CLEC9A: variants seen among roughly 807,000 people sequenced by gnomAD.
CLEC9A encodes C-type lectin domain containing 9A, also known as C-type lectin domain family 9 member A.
Under a neutral mutation model 30.0 loss-of-function variants are expected in CLEC9A, and 24 were observed. The observed-to-expected ratio is 0.80, with a 90% CI of 0.58 to 1.13. The LOEUF (loss-of-function observed/expected upper bound fraction) is 1.13, where lower values mean the gene tolerates loss of function less well. Among genes scored for constraint, CLEC9A ranks in the 50% most tolerant of loss-of-function variants. The pLI is 0.00. For missense variants in CLEC9A, 251 were observed against 280.9 expected, an observed-to-expected ratio of 0.89 and a Z score of 0.76; for synonymous variants, 111 against 96.8, an observed-to-expected ratio of 1.15 and a Z score of -0.86.
intron 1 of CLEC9A, chr12:10,041,107 A>T (rs987472480): frequency 1.3e-5 from 2 of 157,558 alleles, no homozygotes; most frequent in Non-Finnish European, 2.8e-5. Context: ...TTAGCCAGAC[A>T]GGGTGGTGGG....
intron 8 of CLEC9A, among the ~76,000 whole-genome samples, chr12:10,065,197 G>C (rs981248587): frequency 6.6e-6 from 1 of 152,320 alleles, no homozygotes; most frequent in South Asian, 2.1e-4. Context: ...GGGAGATGGA[G>C]AAGCAGAATC....
chr12:10,041,562 A>G lies in CLEC9A; in HGVS notation c.-221A>G. 2.0e-6 allele frequency: 1 copy of G among 511,814 alleles called. No individual in the cohort carries two copies. Among genetic ancestry groups the G allele is most frequent in the Non-Finnish European group, 3.9e-6 (1 of 253,968 alleles). The allele number at this position is 511,814 out of a possible 1,614,324, so 31.7% of individuals were successfully genotyped here. A position where few individuals can be genotyped will look rare whatever the true frequency, so the allele number is the denominator to read the frequency against. On this transcript the variant is annotated 5_prime_UTR_variant, in exon 2 of 9. An upstream open reading frame in the 5' UTR loses its in-frame stop. Transcript: ENST00000355819. ...CACAACTTGACATGGAAAGAGAGTG[A>G]GCAGTACTGCACTGACATGAAGGCT...
chr12:10,034,439 T>G (rs1865726986), intron 1 of CLEC9A, among the ~76,000 whole-genome samples: 1 of 152,260 alleles, frequency 6.6e-6, no homozygotes, highest in South Asian at 2.1e-4. Context: ...ATCACTTTTC[T>G]TCATTTGTAG....
At chr12:10,033,480 A>AT (rs1443125308) in intron 1 of CLEC9A, among the ~76,000 whole-genome samples, 1 of 152,148 alleles carries the variant, frequency 6.6e-6, no homozygotes, top group Non-Finnish European at 1.5e-5. Flanking sequence ...ATATTTTAGG[A>AT]TTTTTTAACT....
At chr12:10,034,568 A>G (rs1029878953) in intron 1 of CLEC9A, among the ~76,000 whole-genome samples, 26 of 152,292 alleles carry the variant, frequency 1.7e-4, no homozygotes, top group African/African-American at 6.3e-4. Context: ...ATACAAGCTC[A>G]TTGCTTGTAT....
chr12:10,033,933 G>A (rs1865722959), intron 1 of CLEC9A, among the ~76,000 whole-genome samples: 1 of 151,972 alleles, frequency 6.6e-6, no homozygotes, highest in Non-Finnish European at 1.5e-5. Context: ...AAGGCATAAG[G>A]GAAACAAAAA....
At chr12:10,056,224 T>C (rs770957917) in intron 5 of CLEC9A, among the ~76,000 whole-genome samples, 6 of 152,008 alleles carry the variant, frequency 3.9e-5, no homozygotes, top group Non-Finnish European at 7.4e-5. Flanking sequence ...TAAACTGTAT[T>C]AACTGTGACC....
Position 10,047,732 on chromosome 12 carries a change from A to G in CLEC9A, c.-162-4259A>G, listed in dbSNP as rs377495810. 1.4e-4 allele frequency among the ~76,000 whole-genome samples: 22 copies of G among 152,346 alleles called. No individual in the cohort carries two copies. The East Asian group carries it at 1.7e-3, about 12-fold the overall frequency. On this transcript the variant is annotated intron_variant, in intron 2 of 8. Coordinates refer to ENST00000355819, the MANE Select transcript of CLEC9A (RefSeq NM_207345.4). ...CCCTAAACTGTCGCCTATTGAGTAC[A>G]CAATAGCACTATGTCTACAAATGCA... is the stretch of plus-strand genomic sequence containing the variant.
chr12:10,042,208 G>A (rs1865803442), intron 2 of CLEC9A, among the ~76,000 whole-genome samples: 1 of 152,170 alleles, frequency 6.6e-6, no homozygotes, highest in Non-Finnish European at 1.5e-5. Flanking sequence ...TATCTGTCAG[G>A]TTCTGTAGGG....
At chr12:10,043,535 TTATC>T (rs1483738092) in intron 2 of CLEC9A, among the ~76,000 whole-genome samples, 2 of 151,926 alleles carry the variant, frequency 1.3e-5, no homozygotes, top group East Asian at 1.9e-4. Context: ...CTTAAACTCT[TTATC>T]TAAGCCACAA....
chr12:10,032,859 ATTCTAATTTTC>A (rs1410997256), intron 1 of CLEC9A, among the ~76,000 whole-genome samples: 1 of 152,118 alleles, frequency 6.6e-6, no homozygotes, highest in Non-Finnish European at 1.5e-5. Context: ...CATACACACG[ATTCTAATTTTC>A]TTATATTTCT....
rs1865994914 is a variant in CLEC9A, at chr12:10,061,271, C to G, written c.317C>G (p.Ser106Ter). The change falls in exon 6 of 9, where the codon TCA (serine) becomes TGA (stop). Residue 106 changes from serine (S) to a stop codon, truncating the protein, a stop_gained and splice_region_variant. Coordinates refer to ENST00000355819, the MANE Select transcript of CLEC9A (RefSeq NM_207345.4). LOFTEE classifies it high-confidence loss of function. Reference sequence around the variant, plus strand: ...GCCTTCATGCAAAACTCATTAAGTTCAGGTAATGGATAAAAATCAGTTTCC... The same window carrying G: ...GCCTTCATGCAAAACTCATTAAGTTGAGGTAATGGATAAAAATCAGTTTCC... Reference protein sequence around the residue: ...CQAFMQNSLSSAHNSSPCPNN... With the variant: ...CQAFMQNSLS 1.2e-6 allele frequency: 2 copies of G among 1,606,030 alleles called. No homozygotes were observed. The highest frequency in any genetic ancestry group is 1.1e-5 in the South Asian group (1 of 89,416).
chr12:10,064,641 T>C lies in CLEC9A; in HGVS notation c.472-91T>C, dbSNP rs1172182256. 8.8e-6 allele frequency: 12 copies of C among 1,366,330 alleles called. No homozygotes were observed. In the African/African-American group the frequency reaches 1.8e-4, roughly 20 times the overall value. The allele number at this position is 1,366,330 out of a possible 1,614,324, so 84.6% of individuals were successfully genotyped here. A position where few individuals can be genotyped will look rare whatever the true frequency, so the allele number is the denominator to read the frequency against. ...TTTCCAGATTTCAAGTTCCCATTAA[T>C]TTCTAGCTAGGCAAAATGTCACACT... On this transcript the variant is annotated intron_variant, in intron 7 of 8. Transcript: ENST00000355819.
chr12:10,045,092 G>A (rs1865834188), intron 2 of CLEC9A, among the ~76,000 whole-genome samples: 1 of 152,066 alleles, frequency 6.6e-6, no homozygotes, highest in African/African-American at 2.4e-5. Context: ...TACTTGTCCT[G>A]TCCATCTCCT....
intron 1 of CLEC9A, among the ~76,000 whole-genome samples, chr12:10,038,975 T>A (rs537046434): frequency 3.8e-4 from 58 of 152,342 alleles, no homozygotes; most frequent in Non-Finnish European, 5.4e-4. Context: ...TTGATGATCA[T>A]CAGGAGAACA....
intron 1 of CLEC9A, among the ~76,000 whole-genome samples, chr12:10,038,842 CA>C (rs1173275242): frequency 2.2e-4 from 34 of 152,054 alleles, no homozygotes; most frequent in African/African-American, 8.2e-4. Flanking sequence ...GGGCATAAAA[CA>C]AAACAAAACA....
chr12:10,052,353 G>C, intron 3 of CLEC9A: 1 of 273,150 alleles, frequency 3.7e-6, no homozygotes, highest in Non-Finnish European at 6.1e-6. Context: ...TGCGTTCTTT[G>C]CACTTACATC....
chr12:10,054,258 A>G lies in CLEC9A; in HGVS notation c.92-13A>G, dbSNP rs759864889. 1.9e-6 allele frequency: 3 copies of G among 1,604,240 alleles called. No individual in the cohort carries two copies. The highest frequency in any genetic ancestry group is 1.1e-5 in the South Asian group (1 of 90,308). On this transcript the variant is annotated splice_polypyrimidine_tract_variant and intron_variant, in intron 4 of 8. Coordinates refer to ENST00000355819, the MANE Select transcript of CLEC9A (RefSeq NM_207345.4). ...TCTCTAACTCGGTATCATTTTTCCT[A>G]TTCTGTGGTTAGGAGCATGCTGTCT...
intron 1 of CLEC9A, among the ~76,000 whole-genome samples, chr12:10,040,209 T>C (rs1434554030): frequency 6.6e-6 from 1 of 152,190 alleles, no homozygotes; most frequent in African/African-American, 2.4e-5. Flanking sequence ...GAACAGAAAA[T>C]GAGTTCCTTC....
Sources: allele counts gnomAD v4.1 joint callset (sites outside exome capture counted in the v4.1 genomes callset), GRCh38; gene constraint gnomAD v4.1.1; transcripts MANE v1.5; gene names NCBI Gene and HGNC (gene_info 2026-07-23, HGNC 2026-07-21).